Variants in DPYSL5 observed in about 807,000 individuals in gnomAD.
DPYSL5 encodes dihydropyrimidinase-related protein 5.
Under a neutral mutation model 58.4 loss-of-function variants are expected in DPYSL5, and 9 were observed. The observed-to-expected ratio is 0.15, with a 90% CI of 0.09 to 0.27. The LOEUF (loss-of-function observed/expected upper bound fraction) is 0.27. Ranked by LOEUF, DPYSL5 falls within the 10% of genes least tolerant of loss-of-function variation. DPYSL5 has a pLI of 1.00. For synonymous variants in DPYSL5, 293 were observed against 301.9 expected, an observed-to-expected ratio of 0.97 and a Z score of 0.31; for missense variants, 499 against 770.6, an observed-to-expected ratio of 0.65 and a Z score of 4.17.
chr2:26,922,118 G>T (rs909508865), intron 2 of DPYSL5, among the ~76,000 whole-genome samples: 1 of 152,008 alleles, frequency 6.6e-6, no homozygotes, highest in Non-Finnish European at 1.5e-5. Flanking sequence ...CTACACTCTG[G>T]GTCCCTAGAA....
At chr2:26,883,785 T>G (rs1663635878) in intron 1 of DPYSL5, among the ~76,000 whole-genome samples, 2 of 152,232 alleles carry the variant, frequency 1.3e-5, no homozygotes, top group African/African-American at 2.4e-5. Flanking sequence ...CATACTAATT[T>G]TCAGCTTAAA....
At chr2:26,864,321 T>C (rs1006067276) in intron 1 of DPYSL5, among the ~76,000 whole-genome samples, 1 of 152,212 alleles carries the variant, frequency 6.6e-6, no homozygotes, top group Non-Finnish European at 1.5e-5. Context: ...AGTGCCTTAC[T>C]CATGCCACAC....
chr2:26,942,890 G>T lies in DPYSL5; in HGVS notation c.1440+140G>T. 1 of 986,198 alleles carries T rather than the reference G, an allele frequency of 1.0e-6. No individual in the cohort carries two copies. Among genetic ancestry groups the T allele is most frequent in the South Asian group, 1.7e-5 (1 of 60,260 alleles). 61.1% of individuals were successfully genotyped at this position (986,198 alleles called of 1,614,324 possible). ...TGCACTTTCTCCAGCGTTGAGAGGG[G>T]AGTGTGCGGCAGCGCCAGGGAACGC... is the stretch of plus-strand genomic sequence containing the variant. On this transcript the variant is annotated intron_variant, in intron 11 of 12. Coordinates refer to ENST00000288699, the MANE Select transcript of DPYSL5 (RefSeq NM_020134.4). This position sits in a 1 kb window ranked among gnomAD's most constrained non-coding sequence, Gnocchi z 5.9.
At chr2:26,868,404 G>C (rs1270244600) in intron 1 of DPYSL5, among the ~76,000 whole-genome samples, 7 of 152,108 alleles carry the variant, frequency 4.6e-5, no homozygotes, top group African/African-American at 1.7e-4. Context: ...AGTTAAAAGC[G>C]ATCCCCTACT....
chr2:26,895,778 T>TC (rs1455065166), intron 1 of DPYSL5, among the ~76,000 whole-genome samples: 307 of 137,374 alleles, frequency 2.2e-3, no homozygotes, highest in African/African-American at 8.3e-3. Context: ...TCTTTTTCTT[T>TC]TTTTTTTTTT....
chr2:26,891,520 A>G (rs1416433769), intron 1 of DPYSL5, among the ~76,000 whole-genome samples: 2 of 152,078 alleles, frequency 1.3e-5, no homozygotes, highest in South Asian at 2.1e-4. Context: ...TGGCAGCCCA[A>G]GGGTTCTAGA....
chr2:26,855,816 A>G (rs1027568670), intron 1 of DPYSL5, among the ~76,000 whole-genome samples: 6 of 152,146 alleles, frequency 3.9e-5, no homozygotes, highest in East Asian at 1.9e-4. Flanking sequence ...AAGATCCACT[A>G]TTGATACAGA....
chr2:26,914,663 C>T (rs1356210356), intron 2 of DPYSL5, among the ~76,000 whole-genome samples: 1 of 152,320 alleles, frequency 6.6e-6, no homozygotes, highest in African/African-American at 2.4e-5. Context: ...CACTTCTCAG[C>T]AGTGGCTGCT....
Position 26,927,519 on chromosome 2 carries a change from C to T in DPYSL5, c.600+87C>T. The T allele has an allele frequency of 1.3e-6, 2 of 1,490,014 alleles. No homozygotes were observed. Among genetic ancestry groups the T allele is most frequent in the East Asian group, 4.7e-5 (2 of 42,770 alleles). 92.3% of individuals were successfully genotyped at this position (1,490,014 alleles called of 1,614,324 possible). On this transcript the variant is annotated intron_variant, in intron 4 of 12. Coordinates refer to ENST00000288699, the MANE Select transcript of DPYSL5 (RefSeq NM_020134.4). The surrounding 1 kb of genome is among the most constrained non-coding windows in gnomAD (Gnocchi z 4.3). Reference sequence around the variant, plus strand: ...GGATTCCTGACCACCCGTCACTGATCCCACAGGATTCAGACAAAATCAGTT... The same window carrying T: ...GGATTCCTGACCACCCGTCACTGATTCCACAGGATTCAGACAAAATCAGTT...
chr2:26,853,493 A>T (rs553086311), intron 1 of DPYSL5, among the ~76,000 whole-genome samples: 21 of 152,306 alleles, frequency 1.4e-4, no homozygotes, highest in Admixed American at 1.2e-3. Flanking sequence ...AGTAAAAAGG[A>T]CACCCAGATG....
In DPYSL5 at chr2:26,934,226, C is replaced by T. The variant is rs1260708640; in HGVS notation, c.791-352C>T. Among the ~76,000 whole-genome samples the T allele has an allele frequency of 1.3e-5, 2 of 152,206 alleles. No individual in the cohort carries two copies. The highest frequency in any genetic ancestry group is 2.9e-5 in the Non-Finnish European group (2 of 68,040). On this transcript the variant is annotated intron_variant, in intron 7 of 12. Coordinates refer to ENST00000288699, the MANE Select transcript of DPYSL5 (RefSeq NM_020134.4). The surrounding 1 kb of genome is among the most constrained non-coding windows in gnomAD (Gnocchi z 4.3). ...GAAAACAGTCTAGACTGCTCTTTAG[C>T]GTGGCATTCGTGGCCCTGCATGCCT...
At chr2:26,926,778 C>T (rs979936367) in intron 3 of DPYSL5, among the ~76,000 whole-genome samples, 5 of 152,158 alleles carry the variant, frequency 3.3e-5, no homozygotes, top group African/African-American at 1.2e-4. Flanking sequence ...TTTCCTAGTA[C>T]AAATAATGTT....
At chr2:26,913,381 G>A (rs1664488431) in intron 2 of DPYSL5, among the ~76,000 whole-genome samples, 1 of 152,146 alleles carries the variant, frequency 6.6e-6, no homozygotes, top group Non-Finnish European at 1.5e-5. Context: ...TTTGTGACTG[G>A]ATTGTTTCAC....
intron 1 of DPYSL5, among the ~76,000 whole-genome samples, chr2:26,873,331 C>T (rs994676900): frequency 2.6e-5 from 4 of 152,094 alleles, no homozygotes; most frequent in African/African-American, 9.7e-5. Context: ...AGTCAATCCC[C>T]CTTCCTCTCC....
At chr2:26,930,072 C>G (rs750515140) in intron 5 of DPYSL5, among the ~76,000 whole-genome samples, 1 of 152,170 alleles carries the variant, frequency 6.6e-6, no homozygotes, top group East Asian at 1.9e-4. Flanking sequence ...AGTTGGCCCA[C>G]GAGTGGGTCC....
chr2:26,931,537 A>T, intron 5 of DPYSL5, 103 bp from the exon 6 acceptor site: 2 of 1,454,070 alleles, frequency 1.4e-6, no homozygotes, highest in Non-Finnish European at 1.9e-6. Flanking sequence ...GCCCCGAGCC[A>T]ACCCCTATGG....
intron 1 of DPYSL5, among the ~76,000 whole-genome samples, chr2:26,884,524 A>T (rs112491107): frequency 0.013 from 1,964 of 145,494 alleles, 51 homozygotes; most frequent in African/African-American, 0.047. Flanking sequence ...CCTATCTCAC[A>T]CACACACACA....
intron 1 of DPYSL5, among the ~76,000 whole-genome samples, chr2:26,893,144 T>G (rs1359255907): frequency 2.0e-5 from 3 of 152,224 alleles, no homozygotes; most frequent in African/African-American, 7.2e-5. Context: ...ACCTGCTTTG[T>G]TTCCCAGCAC....
At chr2:26,936,422 G>A (rs1024318938) in intron 8 of DPYSL5, among the ~76,000 whole-genome samples, 1 of 152,204 alleles carries the variant, frequency 6.6e-6, no homozygotes, top group Admixed American at 6.5e-5. Flanking sequence ...AGAGTTGGGG[G>A]GTGCAGGGCT....
Sources: allele counts gnomAD v4.1 joint callset (sites outside exome capture counted in the v4.1 genomes callset), GRCh38; gene constraint gnomAD v4.1.1; non-coding constraint Gnocchi (gnomAD v3.1); transcripts MANE v1.5; gene names NCBI Gene and HGNC (gene_info 2026-07-23, HGNC 2026-07-21).